The following DENND4C variants were observed in gnomAD, a reference collection of about 807,000 sequenced individuals.
The protein encoded by DENND4C is DENN domain-containing protein 4C.
In DENND4C, 108 loss-of-function variants were observed where a neutral mutation model predicts 203.0. That is an observed-to-expected ratio of 0.53 (90% CI 0.46 to 0.62). The LOEUF (loss-of-function observed/expected upper bound fraction) is 0.62. Among genes scored for constraint, DENND4C ranks in the 20% least tolerant of loss-of-function variants. DENND4C has a pLI of 0.00. For synonymous variants in DENND4C, 871 were observed against 792.4 expected (o/e 1.10, Z -1.67); for missense variants, 2,481 against 2,301.2 (o/e 1.08, Z -1.60).
intron 1 of DENND4C, among the ~76,000 whole-genome samples, chr9:19,231,681 G>C (rs907791407): frequency 6.6e-6 from 1 of 151,796 alleles, no homozygotes; most frequent in Non-Finnish European, 1.5e-5. Context: ...TGTCACACGG[G>C]AAAATTTAGG....
intron 22 of DENND4C, among the ~76,000 whole-genome samples, chr9:19,343,610 G>C (rs1256881578): frequency 6.6e-6 from 1 of 152,150 alleles, no homozygotes; most frequent in East Asian, 1.9e-4. Context: ...TACTTGTTTG[G>C]GTAGTGCTCA....
chr9:19,314,247 G>A (rs1841328989), intron 10 of DENND4C, among the ~76,000 whole-genome samples: 2 of 152,118 alleles, frequency 1.3e-5, no homozygotes, highest in South Asian at 4.1e-4. Context: ...GAGGTCAGGA[G>A]ATCGAGACCA....
Position 19,372,350 on chromosome 9 carries a change from A to C in DENND4C, c.*177A>C. 1.3e-6 allele frequency: 1 copy of C among 748,208 alleles called. No individual in the cohort carries two copies. 46.3% of individuals were successfully genotyped at this position (748,208 alleles called of 1,614,324 possible). ...GCATTACCTTGAAATATGAAGTGCC[A>C]TTTGAATGTCCCAGGGCTTATTAAT... On this transcript the variant is annotated 3_prime_UTR_variant, in exon 33 of 33. Coordinates refer to ENST00000434457, the MANE Select transcript of DENND4C (RefSeq NM_001330640.2).
intron 3 of DENND4C, among the ~76,000 whole-genome samples, chr9:19,287,585 G>C (rs1462449041): frequency 1.3e-5 from 2 of 151,984 alleles, no homozygotes; most frequent in Non-Finnish European, 2.9e-5. Context: ...GACCTTAAGT[G>C]ATCCACCTCC....
At chr9:19,327,561 A>G (rs982537779) in intron 15 of DENND4C, among the ~76,000 whole-genome samples, 6 of 152,196 alleles carry the variant, frequency 3.9e-5, no homozygotes, top group Admixed American at 6.5e-5. Context: ...AAATATAGAA[A>G]CAGCCAACAA....
intron 15 of DENND4C, among the ~76,000 whole-genome samples, chr9:19,326,562 G>T (rs1289472409): frequency 6.6e-6 from 1 of 152,044 alleles, no homozygotes; most frequent in Non-Finnish European, 1.5e-5. Flanking sequence ...AGAGGGCCAG[G>T]AATTTATTCT....
intron 5 of DENND4C, 63 bp from the exon 6 acceptor site, chr9:19,295,945 A>G: frequency 7.9e-7 from 1 of 1,268,552 alleles, no homozygotes; most frequent in Non-Finnish European, 1.1e-6. Context: ...TAATAAGAAA[A>G]AAAGAGAAGT....
At chr9:19,264,653 G>C (rs1830116788) in intron 1 of DENND4C, among the ~76,000 whole-genome samples, 1 of 152,096 alleles carries the variant, frequency 6.6e-6, no homozygotes, top group African/African-American at 2.4e-5. Flanking sequence ...TGCTTGTAAT[G>C]TCTCATCTCT....
chr9:19,232,669 TG>T (rs1564068494), intron 1 of DENND4C, among the ~76,000 whole-genome samples: 1 of 152,192 alleles, frequency 6.6e-6, no homozygotes, highest in Non-Finnish European at 1.5e-5. Flanking sequence ...AGTTGGAGTG[TG>T]GAGACTATTC....
At chr9:19,260,209 G>A (rs1347112050) in intron 1 of DENND4C, among the ~76,000 whole-genome samples, 2 of 152,118 alleles carry the variant, frequency 1.3e-5, no homozygotes, top group Non-Finnish European at 2.9e-5. Context: ...AAATTTTGAT[G>A]CATTTCTCTG....
At chr9:19,257,764 A>G (rs887454147) in intron 1 of DENND4C, among the ~76,000 whole-genome samples, 5 of 152,366 alleles carry the variant, frequency 3.3e-5, no homozygotes, top group African/African-American at 1.2e-4. Flanking sequence ...GAACAACTTT[A>G]TGCCAATAAA....
chr9:19,325,389 A>G (rs984791384), intron 13 of DENND4C, among the ~76,000 whole-genome samples: 10 of 152,134 alleles, frequency 6.6e-5, no homozygotes, highest in African/African-American at 1.4e-4. Context: ...CTTGGGGCCA[A>G]TTGTTTATGC....
chr9:19,258,120 A>T (rs1460018973), intron 1 of DENND4C, among the ~76,000 whole-genome samples: 2 of 89,190 alleles, frequency 2.2e-5, no homozygotes, highest in African/African-American at 4.0e-5. Flanking sequence ...CCTGTCTCAA[A>T]AAATCAATCA....
rs116824165 is a variant in DENND4C, at chr9:19,337,038, C to G, written c.2881+206C>G. Among the ~76,000 whole-genome samples the G allele has an allele frequency of 7.4e-3, 1,129 of 152,280 alleles. 17 individuals are homozygous for G. The highest frequency in any genetic ancestry group is 0.026 in the African/African-American group (1,087 of 41,548). ...TAGTATGGGAGTGCTGTGCACAGTG[C>G]TCTAGCATGATGCTTCTTTGTATTT... On this transcript the variant is annotated intron_variant, in intron 20 of 32. Transcript: ENST00000434457.
chr9:19,345,873 T>C (rs1563825530), intron 22 of DENND4C, 48 bp from the exon 23 acceptor site: 1 of 1,450,698 alleles, frequency 6.9e-7, no homozygotes, highest in Non-Finnish European at 9.3e-7. Flanking sequence ...TTAATAAAAG[T>C]TAACTTGGAA....
At chr9:19,328,308 A>T in intron 16 of DENND4C, 146 bp downstream of exon 16, 1 of 896,228 alleles carries the variant, frequency 1.1e-6, no homozygotes, top group Non-Finnish European at 1.6e-6. Flanking sequence ...ATTTCTTGCA[A>T]GCCTACTTAA....
At chr9:19,286,479 A>G (rs1253463748) in intron 2 of DENND4C, among the ~76,000 whole-genome samples, 1 of 152,082 alleles carries the variant, frequency 6.6e-6, no homozygotes, top group Non-Finnish European at 1.5e-5. Context: ...CTTTTTTCAT[A>G]TGTTTCTTAT....
intron 10 of DENND4C, among the ~76,000 whole-genome samples, chr9:19,316,011 A>G (rs1467401978): frequency 6.6e-6 from 1 of 152,200 alleles, no homozygotes; most frequent in Non-Finnish European, 1.5e-5. Context: ...TGGATGAACT[A>G]CATGTGCTTT....
chr9:19,336,298 G>A lies in DENND4C; in HGVS notation c.2618G>A (p.Ser873Asn). The A allele has an allele frequency of 6.2e-7, 1 of 1,613,964 alleles. No homozygotes were observed. The highest frequency in any genetic ancestry group is 8.5e-7 in the Non-Finnish European group (1 of 1,179,958). ...KVVLESPWPS[S>N]TRSGIFLWTK... ...GTCTTGGAGAGCCCGTGGCCTAGCA[G>A]TACCCGCAGTGGTATTTTCTTATGG... The change falls in exon 19 of 33, where the codon AGT (serine) becomes AAT (asparagine). Residue 873 changes from serine to asparagine, a missense_variant. Physicochemically the swap from Ser to Asn is conservative, Grantham distance 46. This residue lies in a region of DENND4C where 2,289 missense variants were observed against 2,113.3 expected (regional missense o/e 1.08). Coordinates refer to ENST00000434457, the MANE Select transcript of DENND4C (RefSeq NM_001330640.2).
Sources: allele counts gnomAD v4.1 joint callset (sites outside exome capture counted in the v4.1 genomes callset), GRCh38; gene constraint gnomAD v4.1.1; regional missense constraint gnomAD v4.1.1; transcripts MANE v1.5; gene names NCBI Gene and HGNC (gene_info 2026-07-23, HGNC 2026-07-21).